The following RRP9 variants were observed in gnomAD, a reference collection of about 807,000 sequenced individuals.
RRP9 encodes ribosomal RNA processing 9, U3 small nucleolar RNA binding protein, also known as U3 small nucleolar RNA-interacting protein 2.
In RRP9, 35 loss-of-function variants were observed where a neutral mutation model predicts 65.5. The ratio of observed to expected loss-of-function variants is 0.53; its 90% CI spans 0.41 to 0.71. The LOEUF (loss-of-function observed/expected upper bound fraction) is 0.71. RRP9 is among the 30% of genes least tolerant of loss of function. RRP9 has a pLI of 0.00. For missense variants in RRP9, 533 were observed against 633.6 expected (o/e 0.84, Z 1.70); for synonymous variants, 254 against 245.0 (o/e 1.04, Z -0.34).
Position 51,937,261 on chromosome 3 carries a change from T to A in RRP9, c.448A>T (p.Thr150Ser), listed in dbSNP as rs1399786680. The stretch of plus-strand genomic sequence containing the variant: ...TCATCGGGGGTGACGACCAAACATG[T>A]GATAGAGAGCTGGTGCCCCCGTAAA... Reference protein sequence around the residue: ...RVLRGHQLSITCLVVTPDDSA... With the variant: ...RVLRGHQLSISCLVVTPDDSA... The change falls in exon 6 of 15, where the codon ACA (threonine) becomes TCA (serine). Residue 150 changes from threonine (T) to serine (S), a missense_variant. Thr to Ser is a moderately conservative substitution (Grantham distance 58). Coordinates refer to ENST00000232888, the MANE Select transcript of RRP9 (RefSeq NM_004704.5). This position sits in a 1 kb window ranked among gnomAD's most constrained non-coding sequence, Gnocchi z 5.0. 6.2e-7 allele frequency: 1 copy of A among 1,614,058 alleles called. No homozygotes were observed. The highest frequency in any genetic ancestry group is 8.5e-7 in the Non-Finnish European group (1 of 1,180,002).
At chr3:51,940,210 C>T (rs1340943527) in intron 2 of RRP9, among the ~76,000 whole-genome samples, 3 of 151,924 alleles carry the variant, frequency 2.0e-5, no homozygotes, top group Non-Finnish European at 2.9e-5. Context: ...GAGCCGAGAT[C>T]GCACCACTGC....
At chr3:51,933,899 G>A in intron 13 of RRP9, 118 bp from the exon 14 acceptor site, 1 of 921,420 alleles carries the variant, frequency 1.1e-6, no homozygotes. Flanking sequence ...TCTGCCTCCT[G>A]CCACCTGGTG....
rs986141829 is a variant in RRP9, at chr3:51,937,170, C to A, written c.517+22G>T. The A allele has an allele frequency of 6.2e-7, 1 of 1,611,410 alleles. No homozygotes were observed. On this transcript the variant is annotated intron_variant, in intron 6 of 14. Transcript: ENST00000232888. The surrounding 1 kb of genome is among the most constrained non-coding windows in gnomAD (Gnocchi z 5.0). ...CCCGGATCCGCCATGGGGGCTCCAG[C>A]CCCACCCAGGCACTCACTCACACTT...
intron 6 of RRP9, 77 bp from the exon 7 acceptor site, chr3:51,936,632 T>C: frequency 6.8e-7 from 1 of 1,478,810 alleles, no homozygotes; most frequent in Non-Finnish European, 9.3e-7. Flanking sequence ...AGGGGCAGCA[T>C]GGAAAAAAGA....
intron 2 of RRP9, among the ~76,000 whole-genome samples, chr3:51,939,966 T>C (rs913091136): frequency 1.3e-5 from 2 of 152,150 alleles, no homozygotes; most frequent in Non-Finnish European, 2.9e-5. Flanking sequence ...TTAAGAAAAG[T>C]ACATTAATGG....
rs1225981129 is a variant in RRP9, at chr3:51,941,854, G to C, written c.14C>G (p.Ala5Gly). Residue 5 changes from alanine (A) to glycine (G), a missense_variant, in exon 1 of 15, where the codon GCG becomes GGG. Ala to Gly is a moderately conservative substitution (Grantham distance 60). Coordinates refer to ENST00000232888, the MANE Select transcript of RRP9 (RefSeq NM_004704.5). ...CGGCTTTCCCCGCTTACGAGCAGCCGCTGTTGCCGACATGCTGCCCACCAG... is the reference window on the plus strand; with the variant it reads ...CGGCTTTCCCCGCTTACGAGCAGCCCCTGTTGCCGACATGCTGCCCACCAG... MSAT[A>G]AARKRGKPAS... is the part of the protein sequence containing the mutation. 6.3e-7 allele frequency: 1 copy of C among 1,582,132 alleles called. No homozygotes were observed. Among genetic ancestry groups the C allele is most frequent in the South Asian group, 1.1e-5 (1 of 88,136 alleles).
At position 51,936,559 on chromosome 3, in the gene RRP9, C is replaced by T; in HGVS notation, c.518-4G>A. The T allele has an allele frequency of 6.2e-7, 1 of 1,613,372 alleles. No individual in the cohort carries two copies. Among genetic ancestry groups the T allele is most frequent in the Admixed American group, 1.7e-5 (1 of 60,002 alleles). On this transcript the variant is annotated splice_region_variant and splice_polypyrimidine_tract_variant and intron_variant, in intron 6 of 14. Coordinates refer to ENST00000232888, the MANE Select transcript of RRP9 (RefSeq NM_004704.5). ...TTCCGTCCACTCTCCACGCTCCCTG[C>T]AGTTGGGGGTGGGGGAGAAGCTACT...
Position 51,935,423 on chromosome 3 carries a change from C to T in RRP9, c.890G>A (p.Cys297Tyr), listed in dbSNP as rs1699446718. 1.2e-6 allele frequency: 2 copies of T among 1,614,106 alleles called. No individual in the cohort carries two copies. The highest frequency in any genetic ancestry group is 1.7e-6 in the Non-Finnish European group (2 of 1,180,048). Residue 297 changes from cysteine to tyrosine, a missense_variant, in exon 10 of 15, where the codon TGT becomes TAT. By Grantham distance (194) the Cys-to-Tyr change is radical. Around this residue, in one of 3 missense-constraint regions of RRP9, gnomAD observed 449 missense variants for 550.6 expected, o/e 0.82. Coordinates refer to ENST00000232888, the MANE Select transcript of RRP9 (RefSeq NM_004704.5). The part of the protein sequence containing the change: ...AALDALSREC[C>Y]VTAGGRDGTV... ...CCCATCCCGGCCCCCAGCCGTCACA[C>T]AGCACTCCCGGCTCAAGGCATCCAG...
At chr3:51,935,884 C>T (rs1157996866) in intron 8 of RRP9, among the ~76,000 whole-genome samples, 192 bp from the exon 9 acceptor site, 1 of 152,142 alleles carries the variant, frequency 6.6e-6, no homozygotes, top group African/African-American at 2.4e-5. Flanking sequence ...TTTTTAGCGA[C>T]AGGGTCTCAT....
intron 1 of RRP9, 69 bp from the exon 2 acceptor site, chr3:51,941,560 C>T (rs888653120): frequency 1.3e-5 from 19 of 1,415,352 alleles, no homozygotes; most frequent in South Asian, 8.1e-5. Context: ...AGGGCCCCCC[C>T]CCCTCGGTTC....
At position 51,937,353 on chromosome 3, in the gene RRP9, G is replaced by A. The variant is rs372859416; in HGVS notation, c.391-35C>T. On this transcript the variant is annotated intron_variant, in intron 5 of 14. Coordinates refer to ENST00000232888, the MANE Select transcript of RRP9 (RefSeq NM_004704.5). The surrounding 1 kb of genome is among the most constrained non-coding windows in gnomAD (Gnocchi z 5.0). ...CAGGGGCCAGGTCACTGTGGCTAGT[G>A]GCATAAAGGCACTACCTTCACCAAC... 3.7e-6 allele frequency: 6 copies of A among 1,613,314 alleles called. No homozygotes were observed. In the African/African-American group the frequency reaches 4.0e-5, roughly 11 times the overall value.
At chr3:51,938,961 C>T (rs557835465) in intron 2 of RRP9, among the ~76,000 whole-genome samples, 7 of 152,306 alleles carry the variant, frequency 4.6e-5, no homozygotes, top group Admixed American at 3.9e-4. Flanking sequence ...GGTGAAGTTA[C>T]GGCTTTCCCC....
chr3:51,936,404 C>A, intron 7 of RRP9, 27 bp downstream of exon 7: 1 of 1,614,244 alleles, frequency 6.2e-7, no homozygotes, highest in Non-Finnish European at 8.5e-7. Flanking sequence ...GACCTCCCGC[C>A]TGCCCCCAGG....
chr3:51,938,224 G>A lies in RRP9; in HGVS notation c.171-20C>T, dbSNP rs775259027. On this transcript the variant is annotated intron_variant, in intron 2 of 14. Transcript: ENST00000232888. ...GCTAGGCTGTGGGCAGGAAGGGGCT[G>A]GGTCTGAGGGGCTCACCTTGTTCCT... 2 of 1,520,314 alleles carry A rather than the reference G, an allele frequency of 1.3e-6. No homozygotes were observed. The highest frequency in any genetic ancestry group is 4.1e-5 in the Admixed American group (2 of 48,600). 94.2% of individuals were successfully genotyped at this position (1,520,314 alleles called of 1,614,324 possible).
Position 51,938,222 on chromosome 3 carries a change from C to T in RRP9, c.171-18G>A, listed in dbSNP as rs1416363813. On this transcript the variant is annotated intron_variant, in intron 2 of 14. Coordinates refer to ENST00000232888, the MANE Select transcript of RRP9 (RefSeq NM_004704.5). The stretch of plus-strand genomic sequence containing the variant: ...GAGCTAGGCTGTGGGCAGGAAGGGG[C>T]TGGGTCTGAGGGGCTCACCTTGTTC... The T allele has an allele frequency of 3.3e-6, 5 of 1,536,164 alleles. No individual in the cohort carries two copies. In the African/African-American group the frequency reaches 4.1e-5, roughly 13 times the overall value.
chr3:51,933,795 CA>C lies in RRP9; in HGVS notation c.1261-15del. On this transcript the variant is annotated splice_polypyrimidine_tract_variant and intron_variant, in intron 13 of 14. Coordinates refer to ENST00000232888, the MANE Select transcript of RRP9 (RefSeq NM_004704.5). Reference sequence around the variant, plus strand: ...GATAAAACCCACCTGAGCAGAAAGACAACACGGAAAGACATTAGAACGCCCC... The same window carrying C: ...GATAAAACCCACCTGAGCAGAAAGACACACGGAAAGACATTAGAACGCCCC... 1 of 1,613,810 alleles carries C rather than the reference CA, an allele frequency of 6.2e-7. No individual in the cohort carries two copies. The highest frequency in any genetic ancestry group is 1.1e-5 in the South Asian group (1 of 91,068).
At position 51,933,449 on chromosome 3, in the gene RRP9, A is replaced by C. The variant is rs1388920817; in HGVS notation, c.*57T>G. On this transcript the variant is annotated 3_prime_UTR_variant, in exon 15 of 15. Coordinates refer to ENST00000232888, the MANE Select transcript of RRP9 (RefSeq NM_004704.5). ...ACAAGGCCCAAAAGAGGAGGCTTTT[A>C]ATACAAAGAGGGTGGGGCATAGCCT... is the stretch of plus-strand genomic sequence containing the variant. 3.2e-5 allele frequency: 42 copies of C among 1,311,328 alleles called. No homozygotes were observed. Among genetic ancestry groups the C allele is most frequent in the Non-Finnish European group, 2.1e-6 (2 of 951,908 alleles). The allele number at this position is 1,311,328 out of a possible 1,614,324, so 81.2% of individuals were successfully genotyped here. A position where few individuals can be genotyped will look rare whatever the true frequency, so the allele number is the denominator to read the frequency against.
chr3:51,939,590 C>T (rs995364496), intron 2 of RRP9, among the ~76,000 whole-genome samples: 3 of 152,146 alleles, frequency 2.0e-5, no homozygotes, highest in Non-Finnish European at 4.4e-5. Flanking sequence ...GGTGGTCACA[C>T]AACTGTGTGT....
Position 51,933,710 on chromosome 3 carries a change from G to C in RRP9, c.1332C>G (p.His444Gln). Residue 444 changes from histidine to glutamine, a missense_variant and splice_region_variant, in exon 14 of 15, where the codon CAC becomes CAG. By Grantham distance (24) the His-to-Gln change is conservative (BLOSUM62 0). Transcript: ENST00000232888. ...DFLVAGVGQE[H>Q]RLGRWWRIKE... is the part of the protein sequence containing the mutation. ...GAACCCTCGAGGGCCACACATACCT[G>C]TGCTCCTGCCCTACCCCAGCCACCA... 3 of 1,614,048 alleles carry C rather than the reference G, an allele frequency of 1.9e-6. No individual in the cohort carries two copies. The South Asian group carries it at 3.3e-5, about 18-fold the overall frequency.
Sources: gnomAD v4.1 joint callset for allele counts (sites outside exome capture counted in the v4.1 genomes callset) on GRCh38, gnomAD v4.1.1 for gene constraint, gnomAD v4.1.1 regional missense constraint, Gnocchi (gnomAD v3.1) non-coding constraint, MANE v1.5 for transcripts, NCBI Gene and HGNC (gene_info 2026-07-23, HGNC 2026-07-21) for gene names.